The following RALGPS1 variants were observed in gnomAD, a reference collection of about 807,000 sequenced individuals.
The protein encoded by RALGPS1 is Ral GEF with PH domain and SH3 binding motif 1, also known as ras-specific guanine nucleotide-releasing factor RalGPS1.
RALGPS1 carries 19 observed loss-of-function variants against 78.8 expected under a neutral mutation model. The observed-to-expected ratio is 0.24, with a 90% CI of 0.17 to 0.35. The LOEUF is 0.35. Among genes scored for constraint, RALGPS1 ranks in the 10% least tolerant of loss-of-function variants. The pLI is 1.00. For synonymous variants in RALGPS1, 228 were observed against 256.3 expected, an observed-to-expected ratio of 0.89 and a Z score of 1.06; for missense variants, 454 against 688.3, an observed-to-expected ratio of 0.66 and a Z score of 3.81.
intron 4 of RALGPS1, among the ~76,000 whole-genome samples, chr9:127,022,080 G>A (rs2045508530): frequency 1.3e-5 from 2 of 152,118 alleles, no homozygotes; most frequent in South Asian, 4.1e-4. Context: ...CCTGAAAGCT[G>A]AGAAAGATAA....
intron 8 of RALGPS1, chr9:127,088,887 A>G: frequency 6.2e-7 from 1 of 1,605,972 alleles, no homozygotes; most frequent in Non-Finnish European, 8.5e-7. Flanking sequence ...GGCCAGCGTG[A>G]CCAGGGTGGG....
Position 126,941,165 on chromosome 9 carries a change from G to GT in RALGPS1, c.-65-21059dup, listed in dbSNP as rs553226562. ...TTTAAAATTATGACTTCGTCTAGTT[G>GT]TGGGGGGGGGTTGTTGGGGAAGGAG... On this transcript the variant is annotated intron_variant, in intron 1 of 18. Transcript: ENST00000259351. Among the ~76,000 whole-genome samples, 403 of 142,674 alleles carry GT rather than the reference G, an allele frequency of 2.8e-3. 2 individuals carry two copies. The highest frequency in any genetic ancestry group is 9.4e-3 in the African/African-American group (383 of 40,940). 93.6% of individuals were successfully genotyped at this position (142,674 alleles called of 152,430 possible).
intron 1 of RALGPS1, chr9:126,915,505 C>T (rs2034050132): frequency 6.6e-6 from 1 of 151,688 alleles, no homozygotes; most frequent in Non-Finnish European, 1.5e-5. Context: ...TGAGTGGTCG[C>T]CCGAGAAGGA....
At chr9:127,041,399 G>A (rs539347781) in intron 5 of RALGPS1, among the ~76,000 whole-genome samples, 1 of 152,214 alleles carries the variant, frequency 6.6e-6, no homozygotes, top group Admixed American at 6.5e-5. Context: ...TAGATTTTCA[G>A]ATCAGCTGGG....
chr9:127,173,366 C>T (rs1409601690), intron 10 of RALGPS1, among the ~76,000 whole-genome samples: 2 of 152,216 alleles, frequency 1.3e-5, no homozygotes, highest in Non-Finnish European at 2.9e-5. Context: ...AGTGAGACCC[C>T]TCATTGGGCT....
Position 126,965,832 on chromosome 9 carries a change from T to C in RALGPS1, c.58-12T>C. 6.2e-7 allele frequency: 1 copy of C among 1,609,670 alleles called. No homozygotes were observed. The highest frequency in any genetic ancestry group is 1.7e-5 in the Admixed American group (1 of 59,988). ...TCATTCAGTTGGCACCATCTTTCCC[T>C]GCTCTCCACAGGGCAGCAGCAGCTC... On this transcript the variant is annotated splice_polypyrimidine_tract_variant and intron_variant, in intron 2 of 18. Coordinates refer to ENST00000259351, the MANE Select transcript of RALGPS1 (RefSeq NM_014636.3).
At chr9:127,127,472 C>T (rs920305607) in intron 8 of RALGPS1, among the ~76,000 whole-genome samples, 1 of 152,160 alleles carries the variant, frequency 6.6e-6, no homozygotes, top group Non-Finnish European at 1.5e-5. Context: ...CTGCCATGAG[C>T]CTAGTTGGTT....
At chr9:127,173,502 G>A (rs950404104) in intron 10 of RALGPS1, among the ~76,000 whole-genome samples, 14 of 152,170 alleles carry the variant, frequency 9.2e-5, no homozygotes, top group Admixed American at 9.2e-4. Flanking sequence ...AGTTGCACCT[G>A]GTGAGTTCTT....
intron 8 of RALGPS1, among the ~76,000 whole-genome samples, chr9:127,131,837 A>G (rs1004980728): frequency 5.3e-5 from 8 of 152,142 alleles, no homozygotes; most frequent in Non-Finnish European, 1.2e-4. Flanking sequence ...CCTTGTGCTC[A>G]CCACTTCAGC....
At chr9:127,034,578 C>A in intron 5 of RALGPS1, 64 bp downstream of exon 5, 1 of 1,431,634 alleles carries the variant, frequency 7.0e-7, no homozygotes, top group Non-Finnish European at 9.9e-7. Context: ...CTGTAGGCTG[C>A]GAGCCCCCAC....
At chr9:126,926,791 G>C (rs943014044) in intron 1 of RALGPS1, among the ~76,000 whole-genome samples, 4 of 152,128 alleles carry the variant, frequency 2.6e-5, no homozygotes, top group African/African-American at 4.8e-5. Context: ...TCCTGGCTAG[G>C]TGGATGGGGA....
At chr9:127,042,140 TC>T (rs1226480476) in intron 5 of RALGPS1, among the ~76,000 whole-genome samples, 4 of 152,256 alleles carry the variant, frequency 2.6e-5, no homozygotes, top group Non-Finnish European at 4.4e-5. Context: ...ATTGTTTTTT[TC>T]ATGGTTGGTT....
intron 11 of RALGPS1, among the ~76,000 whole-genome samples, chr9:127,192,650 C>G (rs1036095788): frequency 6.6e-6 from 1 of 151,656 alleles, no homozygotes; most frequent in Non-Finnish European, 1.5e-5. Context: ...AGGGCCAGAC[C>G]CTGTGTCAAA....
In RALGPS1 at chr9:127,069,267, T is replaced by C; in HGVS notation, c.521T>C (p.Leu174Ser). 1 of 1,612,052 alleles carries C rather than the reference T, an allele frequency of 6.2e-7. No homozygotes were observed. The highest frequency in any genetic ancestry group is 1.1e-5 in the South Asian group (1 of 90,932). The change falls in exon 8 of 19, where the codon TTG (leucine) becomes TCG (serine). Residue 174 changes from leucine (L) to serine (S), a missense_variant. Physicochemically the swap from Leu to Ser is moderately radical, Grantham distance 145. Transcript: ENST00000259351. ...AAAGACAAGACTACCTTTGAGAAAT[T>C]GGACTACCTGATGTCGAAAGAAGAT... ...NRKDKTTFEKLDYLMSKEDNY... is the reference protein window; with the variant it reads ...NRKDKTTFEKSDYLMSKEDNY...
chr9:126,981,451 G>T (rs748034841), intron 4 of RALGPS1, among the ~76,000 whole-genome samples: 40 of 152,238 alleles, frequency 2.6e-4, no homozygotes, highest in Non-Finnish European at 2.1e-4. Flanking sequence ...GCAGACCCTT[G>T]CCTCTGTGTC....
chr9:126,993,797 C>T (rs2042483391), intron 4 of RALGPS1, among the ~76,000 whole-genome samples: 2 of 152,232 alleles, frequency 1.3e-5, no homozygotes, highest in South Asian at 4.1e-4. Flanking sequence ...CGGACTGACA[C>T]CTCACACGAC....
At chr9:127,049,117 C>A (rs1564482715) in intron 5 of RALGPS1, among the ~76,000 whole-genome samples, 1 of 152,164 alleles carries the variant, frequency 6.6e-6, no homozygotes, top group African/African-American at 2.4e-5. Flanking sequence ...TTTAATTCTC[C>A]CTATGCCCCG....
At chr9:127,202,565 C>A (rs1393806188) in intron 14 of RALGPS1, among the ~76,000 whole-genome samples, 1 of 152,150 alleles carries the variant, frequency 6.6e-6, no homozygotes, top group Admixed American at 6.5e-5. Context: ...CCTCCTGTCT[C>A]CTCACCCATG....
chr9:127,073,431 C>T (rs1345094293), intron 8 of RALGPS1, among the ~76,000 whole-genome samples: 1 of 129,642 alleles, frequency 7.7e-6, no homozygotes, highest in Non-Finnish European at 1.8e-5. Flanking sequence ...CTTTTTATGG[C>T]CAAGTAGTAC....
Sources: allele counts gnomAD v4.1 joint callset (sites outside exome capture counted in the v4.1 genomes callset), GRCh38; gene constraint gnomAD v4.1.1; transcripts MANE v1.5; gene names NCBI Gene and HGNC (gene_info 2026-07-23, HGNC 2026-07-21).